KSR2: variants seen among roughly 807,000 people sequenced by gnomAD.
KSR2 encodes kinase suppressor of ras 2.
In KSR2, 25 loss-of-function variants were observed where a neutral mutation model predicts 107.8. That is an observed-to-expected ratio of 0.23 (90% CI 0.17 to 0.32). KSR2 has a LOEUF of 0.32. KSR2 is among the 10% of genes least tolerant of loss of function. The pLI is 1.00. For synonymous variants in KSR2, 480 were observed against 507.0 expected (o/e 0.95, Z 0.71); for missense variants, 887 against 1,268.9 (o/e 0.70, Z 4.57).
chr12:117,755,740 A>C (rs914656821), intron 4 of KSR2, among the ~76,000 whole-genome samples: 5 of 152,244 alleles, frequency 3.3e-5, no homozygotes, highest in Non-Finnish European at 7.3e-5. Flanking sequence ...CTTAGTGAGG[A>C]AGATACGTCA....
chr12:117,687,075 T>G (rs1223939333), intron 4 of KSR2, among the ~76,000 whole-genome samples: 2 of 152,286 alleles, frequency 1.3e-5, no homozygotes, highest in East Asian at 1.9e-4. Flanking sequence ...CCTTAAAAGC[T>G]TATCCACCCT....
At chr12:117,769,336 G>A (rs948180002) in intron 3 of KSR2, among the ~76,000 whole-genome samples, 1 of 151,984 alleles carries the variant, frequency 6.6e-6, no homozygotes, top group Admixed American at 6.6e-5. Context: ...ATTACATGCT[G>A]GTAATGCAGG....
chr12:117,548,563 G>A (rs1021185294), intron 9 of KSR2, among the ~76,000 whole-genome samples: 2 of 152,060 alleles, frequency 1.3e-5, no homozygotes, highest in Non-Finnish European at 2.9e-5. Context: ...CTGATCAACA[G>A]TGGGCTATTA....
chr12:117,762,033 C>T (rs545053493), intron 3 of KSR2, among the ~76,000 whole-genome samples: 2 of 152,194 alleles, frequency 1.3e-5, no homozygotes, highest in East Asian at 3.9e-4. Context: ...TCCAAAAAGA[C>T]AATAAAATCC....
intron 4 of KSR2, among the ~76,000 whole-genome samples, chr12:117,687,286 T>C (rs902686948): frequency 3.3e-5 from 5 of 152,260 alleles, no homozygotes; most frequent in Admixed American, 6.5e-5. Context: ...CATCAGCAAG[T>C]ATGATCCCAC....
At chr12:117,682,226 T>C (rs1352106505) in intron 4 of KSR2, among the ~76,000 whole-genome samples, 1 of 151,572 alleles carries the variant, frequency 6.6e-6, no homozygotes, top group East Asian at 1.9e-4. Context: ...AATGAGAACA[T>C]GTAGACACAG....
intron 10 of KSR2, among the ~76,000 whole-genome samples, chr12:117,539,068 G>T (rs1212229107): frequency 6.6e-6 from 1 of 152,212 alleles, no homozygotes; most frequent in Non-Finnish European, 1.5e-5. Flanking sequence ...TCATCTCATA[G>T]CCCAGTGCAT....
At chr12:117,504,078 G>C (rs2137182006) in intron 14 of KSR2, among the ~76,000 whole-genome samples, 1 of 151,792 alleles carries the variant, frequency 6.6e-6, no homozygotes, top group Middle Eastern at 3.4e-3. Flanking sequence ...TCATTTTTTT[G>C]TTAATAGCTT....
intron 4 of KSR2, among the ~76,000 whole-genome samples, chr12:117,737,237 C>T (rs1169891650): frequency 6.6e-6 from 1 of 152,206 alleles, no homozygotes; most frequent in Non-Finnish European, 1.5e-5. Context: ...GAGACAAGTT[C>T]TGTTTAGAAA....
At chr12:117,726,882 G>C (rs992733804) in intron 4 of KSR2, among the ~76,000 whole-genome samples, 2 of 152,116 alleles carry the variant, frequency 1.3e-5, no homozygotes, top group Non-Finnish European at 2.9e-5. Flanking sequence ...AGTAGATTTA[G>C]ATTTACTCTC....
intron 5 of KSR2, among the ~76,000 whole-genome samples, chr12:117,616,022 C>T (rs1881866034): frequency 6.6e-6 from 1 of 151,896 alleles, no homozygotes; most frequent in African/African-American, 2.4e-5. Context: ...GGTGTGGTGG[C>T]ACACGCCCAT....
In KSR2 at chr12:117,484,510, C is replaced by T. The variant is rs1278838019; in HGVS notation, c.2356G>A (p.Asp786Asn). The change falls in exon 16 of 20, where the codon GAC (aspartate) becomes AAC (asparagine). Residue 786 changes from aspartate to asparagine, a missense_variant. Physicochemically the swap from Asp to Asn is conservative, Grantham distance 23 (BLOSUM62 1). Around this residue, in one of 8 missense-constraint regions of KSR2, gnomAD observed 308 missense variants for 506.2 expected, o/e 0.61. Transcript: ENST00000339824. Reference protein sequence around the residue: ...YLHAKGILHKDLKSKNVFYDN... With the variant: ...YLHAKGILHKNLKSKNVFYDN... ...TAGAAGACGTTCTTTGACTTGAGGT[C>T]CTTGTGTAGGATTCCCTTGGCGTGG... 4 of 1,613,848 alleles carry T rather than the reference C, an allele frequency of 2.5e-6. No individual in the cohort carries two copies. The highest frequency in any genetic ancestry group is 3.4e-6 in the Non-Finnish European group (4 of 1,179,874).
At position 117,466,932 on chromosome 12, in the gene KSR2, T is replaced by G. The variant is rs1871174016; in HGVS notation, c.*267A>C. The G allele has an allele frequency of 2.6e-6, 1 of 389,654 alleles. No homozygotes were observed. The highest frequency in any genetic ancestry group is 4.5e-6 in the Non-Finnish European group (1 of 220,458). 24.1% of individuals were successfully genotyped at this position (389,654 alleles called of 1,614,324 possible). On this transcript the variant is annotated 3_prime_UTR_variant, in exon 20 of 20. Coordinates refer to ENST00000339824, the MANE Select transcript of KSR2 (RefSeq NM_173598.6). ...CAGCCTGCAGTGCTCTCATTAGTGC[T>G]GTCCCCTGGGCCGCACTGATCAATA...
At chr12:117,587,186 G>A (rs1880055761) in intron 5 of KSR2, among the ~76,000 whole-genome samples, 1 of 152,160 alleles carries the variant, frequency 6.6e-6, no homozygotes, top group Non-Finnish European at 1.5e-5. Context: ...CTGATCCCTG[G>A]AACCTGGGAG....
intron 9 of KSR2, among the ~76,000 whole-genome samples, chr12:117,545,327 G>A (rs917726381): frequency 9.2e-5 from 14 of 152,150 alleles, no homozygotes; most frequent in Admixed American, 5.2e-4. Context: ...GAGTTGGAAA[G>A]TATACTCTTC....
chr12:117,632,428 T>C (rs1326600652), intron 5 of KSR2, among the ~76,000 whole-genome samples: 1 of 151,688 alleles, frequency 6.6e-6, no homozygotes, highest in African/African-American at 2.4e-5. Context: ...GGGTTTCACT[T>C]TGTTGGCCAG....
intron 4 of KSR2, among the ~76,000 whole-genome samples, chr12:117,694,935 C>T (rs1046903478): frequency 2.7e-5 from 4 of 148,696 alleles, no homozygotes; most frequent in African/African-American, 7.4e-5. Flanking sequence ...ACTGCAACCT[C>T]CACCTCCCAG....
intron 2 of KSR2, among the ~76,000 whole-genome samples, chr12:117,857,820 G>A (rs1893150438): frequency 6.6e-6 from 1 of 152,184 alleles, no homozygotes; most frequent in Non-Finnish European, 1.5e-5. Context: ...CTGTTTTACT[G>A]TGGAGCTTTC....
chr12:117,744,375 G>C (rs1888327284), intron 4 of KSR2, among the ~76,000 whole-genome samples: 1 of 152,178 alleles, frequency 6.6e-6, no homozygotes, highest in South Asian at 2.1e-4. Flanking sequence ...ATGCGTCCAT[G>C]TGTTCTGGGT....
Sources: allele counts gnomAD v4.1 joint callset (sites outside exome capture counted in the v4.1 genomes callset), GRCh38; gene constraint gnomAD v4.1.1; regional missense constraint gnomAD v4.1.1; transcripts MANE v1.5; gene names NCBI Gene and HGNC (gene_info 2026-07-23, HGNC 2026-07-21).